SUMF1: variants seen among roughly 807,000 people sequenced by gnomAD.
SUMF1 encodes formylglycine-generating enzyme.
A neutral mutation model predicts 47.6 loss-of-function variants in SUMF1; 48 were observed. The ratio of observed to expected loss-of-function variants is 1.01; its 90% confidence interval spans 0.80 to 1.28. SUMF1 has a LOEUF of 1.28. Among genes scored for constraint, SUMF1 ranks in the 50% most tolerant of loss-of-function variants. The pLI is 0.00. For synonymous variants in SUMF1, 230 were observed against 192.1 expected (o/e 1.20, Z -1.63); for missense variants, 571 against 485.4 (o/e 1.18, Z -1.66).
At chr3:4,437,974 GA>G (rs1252899524) in intron 3 of SUMF1, among the ~76,000 whole-genome samples, 3 of 150,980 alleles carry the variant, frequency 2.0e-5, no homozygotes, top group Non-Finnish European at 4.4e-5. Flanking sequence ...AAATGAAAGT[GA>G]AAAAAAGAAA....
intron 9 of SUMF1, among the ~76,000 whole-genome samples, chr3:4,043,507 A>G (rs1422501032): frequency 2.6e-5 from 4 of 151,294 alleles, no homozygotes; most frequent in African/African-American, 9.7e-5. Flanking sequence ...CTTTACCCAG[A>G]CTCCTTTCAC....
At chr3:4,135,834 GACAA>G (rs1250477029) in intron 8 of SUMF1, among the ~76,000 whole-genome samples, 1 of 152,072 alleles carries the variant, frequency 6.6e-6, no homozygotes, top group Non-Finnish European at 1.5e-5. Context: ...ACCAATAACA[GACAA>G]ACAGAGAGCC....
chr3:4,296,119 T>TA (rs567747703), intron 8 of SUMF1, among the ~76,000 whole-genome samples: 2 of 130,200 alleles, frequency 1.5e-5, no homozygotes, highest in African/African-American at 3.0e-5. Context: ...TTTGCTTTTT[T>TA]AAAAAAAAAA....
At chr3:4,445,865 G>C (rs920761277) in intron 3 of SUMF1, among the ~76,000 whole-genome samples, 1 of 152,186 alleles carries the variant, frequency 6.6e-6, no homozygotes, top group Non-Finnish European at 1.5e-5. Context: ...GGTACCATTG[G>C]AGGAAACTGG....
chr3:4,190,840 T>C (rs759311765), intron 8 of SUMF1, among the ~76,000 whole-genome samples: 3 of 152,148 alleles, frequency 2.0e-5, no homozygotes, highest in Non-Finnish European at 4.4e-5. Flanking sequence ...GGGTATTCAT[T>C]CACTTGAAAA....
intron 8 of SUMF1, among the ~76,000 whole-genome samples, chr3:4,133,315 G>A (rs972853815): frequency 1.5e-4 from 23 of 152,102 alleles, no homozygotes; most frequent in African/African-American, 4.8e-4. Flanking sequence ...ATGAAGGATA[G>A]TTATATTAGG....
At chr3:4,397,843 G>A (rs190946280) in intron 7 of SUMF1, among the ~76,000 whole-genome samples, 1 of 152,174 alleles carries the variant, frequency 6.6e-6, no homozygotes, top group East Asian at 1.9e-4. Flanking sequence ...TTCATAGCTT[G>A]CTAGCTTATT....
At chr3:4,443,120 T>C (rs1055933228) in intron 3 of SUMF1, among the ~76,000 whole-genome samples, 59 of 151,586 alleles carry the variant, frequency 3.9e-4, no homozygotes, top group African/African-American at 1.4e-3. Flanking sequence ...TGTTAAAAAA[T>C]ACAAAACATT....
chr3:4,282,524 T>G (rs1697550658), intron 8 of SUMF1, among the ~76,000 whole-genome samples: 1 of 152,324 alleles, frequency 6.6e-6, no homozygotes, highest in East Asian at 1.9e-4. Context: ...TACTTGGTAC[T>G]GCGAGTGGGG....
chr3:4,115,647 C>T (rs1376288160), intron 8 of SUMF1, among the ~76,000 whole-genome samples: 1 of 152,084 alleles, frequency 6.6e-6, no homozygotes, highest in Non-Finnish European at 1.5e-5. Context: ...GATAAGGGAA[C>T]TTTCCCCATT....
At chr3:4,412,255 A>C (rs551047874) in intron 6 of SUMF1, among the ~76,000 whole-genome samples, 12 of 152,356 alleles carry the variant, frequency 7.9e-5, no homozygotes, top group Admixed American at 5.2e-4. Flanking sequence ...AGAAAAAAAG[A>C]ATATACCCAA....
chr3:4,418,081 G>A lies in SUMF1; in HGVS notation c.654C>T (p.Cys218=), dbSNP rs1486488484. 6.2e-7 allele frequency: 1 copy of A among 1,614,068 alleles called. No individual in the cohort carries two copies. The highest frequency in any genetic ancestry group is 1.7e-5 in the Admixed American group (1 of 60,018). Residue 218 remains cysteine, a synonymous_variant, in exon 5 of 9, where the codon TGC becomes TGT. Coordinates refer to ENST00000272902, the MANE Select transcript of SUMF1 (RefSeq NM_182760.4). ...HVSWNDAVAY[C]TWAGKRLPTE... ...TGGGCAGCCGCTTCCCTGCCCAAGTGCAGTAGGCAACCGCATCATTCCAGG... is the reference window on the plus strand; with the variant it reads ...TGGGCAGCCGCTTCCCTGCCCAAGTACAGTAGGCAACCGCATCATTCCAGG...
intron 8 of SUMF1, among the ~76,000 whole-genome samples, chr3:4,271,510 GAT>G: frequency 6.8e-6 from 1 of 147,698 alleles, no homozygotes; most frequent in East Asian, 2.0e-4. Context: ...TAGATAGATA[GAT>G]AGATAGATAC....
intron 8 of SUMF1, among the ~76,000 whole-genome samples, chr3:4,329,204 C>T (rs1575102705): frequency 6.6e-6 from 1 of 152,302 alleles, no homozygotes; most frequent in Non-Finnish European, 1.5e-5. Flanking sequence ...ATTCTGGGGT[C>T]TGGAGGACGG....
intron 8 of SUMF1, among the ~76,000 whole-genome samples, chr3:4,079,530 T>C (rs1402232975): frequency 1.3e-5 from 2 of 151,880 alleles, no homozygotes; most frequent in Non-Finnish European, 2.9e-5. Context: ...TTTCCTAGGA[T>C]CAAAGTCTTG....
intron 3 of SUMF1, among the ~76,000 whole-genome samples, chr3:4,426,559 G>A (rs1160929397): frequency 6.6e-6 from 1 of 152,116 alleles, no homozygotes; most frequent in Non-Finnish European, 1.5e-5. Context: ...CTAGGTTTAG[G>A]AACTTAACAA....
chr3:4,170,851 C>T (rs1694818234), intron 8 of SUMF1, among the ~76,000 whole-genome samples: 1 of 152,130 alleles, frequency 6.6e-6, no homozygotes, highest in South Asian at 2.1e-4. Flanking sequence ...GAATAGCCAG[C>T]TTTCTCTTCA....
chr3:4,442,495 G>A (rs1240648945), intron 3 of SUMF1, among the ~76,000 whole-genome samples: 1 of 151,524 alleles, frequency 6.6e-6, no homozygotes, highest in Non-Finnish European at 1.5e-5. Flanking sequence ...TCCTGACCTC[G>A]TGATCCGCCC....
chr3:4,394,694 C>T (rs1209640699), intron 7 of SUMF1, among the ~76,000 whole-genome samples: 1 of 152,078 alleles, frequency 6.6e-6, no homozygotes, highest in Non-Finnish European at 1.5e-5. Flanking sequence ...GTAGCAATAG[C>T]CATAGTGTTT....
Sources: gnomAD v4.1 joint callset for allele counts (sites outside exome capture counted in the v4.1 genomes callset) on GRCh38, gnomAD v4.1.1 for gene constraint, MANE v1.5 for transcripts, NCBI Gene and HGNC (gene_info 2026-07-23, HGNC 2026-07-21) for gene names.